Variants in CACNG3 observed in about 807,000 individuals in gnomAD.
CACNG3 encodes the protein voltage-dependent calcium channel gamma-3 subunit.
CACNG3 carries 3 observed loss-of-function variants against 28.5 expected under a neutral mutation model. The observed-to-expected ratio is 0.11, with a 90% CI of 0.05 to 0.27. The LOEUF (loss-of-function observed/expected upper bound fraction) is 0.27. CACNG3 is among the 10% of genes least tolerant of loss of function. CACNG3 has a pLI of 1.00. For missense variants in CACNG3, 236 were observed against 414.4 expected (o/e 0.57, Z 3.74); for synonymous variants, 174 against 162.2 (o/e 1.07, Z -0.55).
intron 1 of CACNG3, among the ~76,000 whole-genome samples, chr16:24,263,473 C>T (rs372963371): frequency 6.6e-6 from 1 of 152,234 alleles, no homozygotes; most frequent in African/African-American, 2.4e-5. Flanking sequence ...TAGAAAACCC[C>T]AAGGTTGTTT....
At position 24,357,858 on chromosome 16, in the gene CACNG3, T is replaced by C. The variant is rs192278976; in HGVS notation, c.436+2885T>C. Among the ~76,000 whole-genome samples the C allele has an allele frequency of 2.3e-3, 353 of 152,290 alleles. 4 individuals are homozygous for C. Among genetic ancestry groups the C allele is most frequent in the African/African-American group, 7.7e-3 (322 of 41,556 alleles). On this transcript the variant is annotated intron_variant, in intron 3 of 3. Transcript: ENST00000005284. ...ATCATTATGTTGTCCCCCAAGGGGA[T>C]TGTTAGGGAAGAGTGTGTCACCAGC...
intron 2 of CACNG3, among the ~76,000 whole-genome samples, chr16:24,348,347 G>A (rs1387447239): frequency 1.3e-5 from 2 of 152,068 alleles, no homozygotes; most frequent in African/African-American, 2.4e-5. Flanking sequence ...AGGCTGCAGT[G>A]CCATTGCAGT....
At chr16:24,308,139 G>T (rs1469327830) in intron 1 of CACNG3, among the ~76,000 whole-genome samples, 1 of 152,180 alleles carries the variant, frequency 6.6e-6, no homozygotes, top group African/African-American at 2.4e-5. Flanking sequence ...CAGGATCTTT[G>T]ACTGTGGATA....
chr16:24,342,263 A>T (rs1899801402), intron 1 of CACNG3, among the ~76,000 whole-genome samples: 1 of 152,202 alleles, frequency 6.6e-6, no homozygotes, highest in Non-Finnish European at 1.5e-5. Context: ...GCAAGACTCC[A>T]TCTCAAAATA....
At chr16:24,287,139 C>T (rs1898905327) in intron 1 of CACNG3, among the ~76,000 whole-genome samples, 1 of 152,212 alleles carries the variant, frequency 6.6e-6, no homozygotes, top group Non-Finnish European at 1.5e-5. Flanking sequence ...TCAAAACAAA[C>T]TGAAGCAATT....
intron 1 of CACNG3, among the ~76,000 whole-genome samples, chr16:24,309,985 A>C (rs1197953159): frequency 6.6e-6 from 1 of 152,188 alleles, no homozygotes; most frequent in Non-Finnish European, 1.5e-5. Context: ...AAAGCCATGG[A>C]GTCATGTGAA....
chr16:24,322,643 A>G (rs1214432774), intron 1 of CACNG3, among the ~76,000 whole-genome samples: 1 of 152,188 alleles, frequency 6.6e-6, no homozygotes, highest in African/African-American at 2.4e-5. Context: ...GGAGAGTGTA[A>G]GAAGCAAAAG....
intron 1 of CACNG3, among the ~76,000 whole-genome samples, chr16:24,320,936 T>C (rs553326721): frequency 2.0e-5 from 3 of 152,236 alleles, no homozygotes; most frequent in African/African-American, 4.8e-5. Flanking sequence ...TCTCACTATG[T>C]TGCCCAGGTT....
At chr16:24,345,467 G>A (rs938540527) in intron 1 of CACNG3, among the ~76,000 whole-genome samples, 2 of 152,132 alleles carry the variant, frequency 1.3e-5, no homozygotes, top group Non-Finnish European at 2.9e-5. Flanking sequence ...TTGGGAGGCC[G>A]AGGCAGGTGG....
At chr16:24,313,642 T>G (rs1035290867) in intron 1 of CACNG3, among the ~76,000 whole-genome samples, 1 of 152,124 alleles carries the variant, frequency 6.6e-6, no homozygotes, top group Non-Finnish European at 1.5e-5. Flanking sequence ...CTAACTTATA[T>G]ACAGACAAGG....
chr16:24,289,225 G>C (rs1224943114), intron 1 of CACNG3, among the ~76,000 whole-genome samples: 1 of 151,002 alleles, frequency 6.6e-6, no homozygotes, highest in African/African-American at 2.4e-5. Flanking sequence ...CTTCCTCAAC[G>C]TTCCTCTCAG....
intron 1 of CACNG3, among the ~76,000 whole-genome samples, chr16:24,323,237 AAAAGAGAGAGAG>A (rs1325054352): frequency 1.4e-5 from 2 of 143,704 alleles, no homozygotes; most frequent in Non-Finnish European, 3.1e-5. Context: ...AAAAAAAAAA[AAAAGAGAGAGAG>A]AGAAAGAGAG....
At position 24,355,417 on chromosome 16, in the gene CACNG3, C is replaced by A. The variant is rs1418888402; in HGVS notation, c.436+444C>A. 5.3e-5 allele frequency among the ~76,000 whole-genome samples: 8 copies of A among 151,998 alleles called. No homozygotes were observed. In the East Asian group the frequency reaches 1.6e-3, roughly 30 times the overall value. On this transcript the variant is annotated intron_variant, in intron 3 of 3. Coordinates refer to ENST00000005284, the MANE Select transcript of CACNG3 (RefSeq NM_006539.4). ...GTGAGACCCTCATCTCTACAAAAAA[C>A]AATGTTAATTAAAAAATTAGCTGGG...
At chr16:24,292,939 A>G (rs1453460651) in intron 1 of CACNG3, among the ~76,000 whole-genome samples, 1 of 152,200 alleles carries the variant, frequency 6.6e-6, no homozygotes, top group Non-Finnish European at 1.5e-5. Flanking sequence ...TGGAAAGAAA[A>G]CCAAAGGAAG....
At chr16:24,262,792 T>C (rs66526286) in intron 1 of CACNG3, among the ~76,000 whole-genome samples, 40,355 of 152,248 alleles carry the variant, frequency 0.27, 5,507 homozygotes, top group Admixed American at 0.35. Flanking sequence ...CCTTAGGAAG[T>C]AGATGCCTTG....
chr16:24,299,851 G>A (rs1250553632), intron 1 of CACNG3, among the ~76,000 whole-genome samples: 1 of 152,030 alleles, frequency 6.6e-6, no homozygotes, highest in East Asian at 1.9e-4. Flanking sequence ...GAGGGGGTAG[G>A]GGAAGACAAG....
At chr16:24,270,106 C>T (rs1898667748) in intron 1 of CACNG3, among the ~76,000 whole-genome samples, 1 of 152,098 alleles carries the variant, frequency 6.6e-6, no homozygotes, top group African/African-American at 2.4e-5. Context: ...TATTGTGTAC[C>T]ATATGCTGTT....
At chr16:24,320,049 G>T (rs1899436888) in intron 1 of CACNG3, among the ~76,000 whole-genome samples, 1 of 152,204 alleles carries the variant, frequency 6.6e-6, no homozygotes. Flanking sequence ...GATTGTTAGG[G>T]TTTTTAACAC....
At chr16:24,348,571 A>C (rs1899900524) in intron 2 of CACNG3, among the ~76,000 whole-genome samples, 4 of 152,202 alleles carry the variant, frequency 2.6e-5, no homozygotes, top group Non-Finnish European at 5.9e-5. Flanking sequence ...TCTGGGCCTG[A>C]TAATTAAAAG....
Sources: allele counts gnomAD v4.1 joint callset (sites outside exome capture counted in the v4.1 genomes callset), GRCh38; gene constraint gnomAD v4.1.1; transcripts MANE v1.5; gene names NCBI Gene and HGNC (gene_info 2026-07-23, HGNC 2026-07-21).